TCF3: variants seen among roughly 807,000 people sequenced by gnomAD.
The protein encoded by TCF3 is transcription factor 3.
TCF3 carries 54 observed loss-of-function variants against 72.3 expected under a neutral mutation model. The ratio of observed to expected loss-of-function variants is 0.75; its 90% confidence interval spans 0.60 to 0.94. The LOEUF is 0.94. Ranked by LOEUF, TCF3 falls within the 40% of genes least tolerant of loss-of-function variation. The probability of loss-of-function intolerance (pLI) is 0.00; values close to 1 mark genes in which losing one functional copy is unlikely to be tolerated. For missense variants in TCF3, 1,078 were observed against 934.4 expected, an observed-to-expected ratio of 1.15 and a Z score of -2.00; for synonymous variants, 525 against 412.6, an observed-to-expected ratio of 1.27 and a Z score of -3.30.
At position 1,614,167 on chromosome 19, in the gene TCF3, CCTGT is replaced by C. The variant is rs771944314; in HGVS notation, c.1822+1114_1822+1117del. Among the ~76,000 whole-genome samples the C allele has an allele frequency of 5.9e-5, 9 of 152,234 alleles. No individual in the cohort carries two copies. The highest frequency in any genetic ancestry group is 9.6e-5 in the African/African-American group (4 of 41,462). ...GCCCAGTGCCCAGCATGCCTGGTGC[CCTGT>C]CTTAGTCTCTAGGGGGCTGCCTCAC... On this transcript the variant is annotated intron_variant, in intron 18 of 18. Coordinates refer to ENST00000262965, the MANE Select transcript of TCF3 (RefSeq NM_003200.5). The surrounding 1 kb of genome is among the most constrained non-coding windows in gnomAD (Gnocchi z 5.6).
At chr19:1,635,995 G>A (rs569132493) in intron 3 of TCF3, among the ~76,000 whole-genome samples, 50 of 152,250 alleles carry the variant, frequency 3.3e-4, no homozygotes, top group Middle Eastern at 3.4e-3. Flanking sequence ...AAATCGTGAA[G>A]GACCCCGATG....
At chr19:1,644,898 G>A (rs1456162811) in intron 3 of TCF3, among the ~76,000 whole-genome samples, 1 of 152,042 alleles carries the variant, frequency 6.6e-6, no homozygotes, top group East Asian at 1.9e-4. Context: ...CCTCCTCCAG[G>A]AAGCCCCCAG....
Position 1,619,398 on chromosome 19 carries a change from A to G in TCF3, c.1244T>C (p.Met415Thr), listed in dbSNP as rs2061904545. 3 of 1,593,166 alleles carry G rather than the reference A, an allele frequency of 1.9e-6. No individual in the cohort carries two copies. The highest frequency in any genetic ancestry group is 2.5e-6 in the Non-Finnish European group (3 of 1,177,084). The change falls in exon 15 of 19, where the codon ATG becomes ACG. Residue 415 changes from methionine to threonine, a missense_variant. Coordinates refer to ENST00000262965, the MANE Select transcript of TCF3 (RefSeq NM_003200.5). ...CCCGTGGCCAGGCAGCAGCGTGTGCATGTCGCCGGCTGTGCCCACGGCGTG... is the reference window on the plus strand; with the variant it reads ...CCCGTGGCCAGGCAGCAGCGTGTGCGTGTCGCCGGCTGTGCCCACGGCGTG... ...RSHAVGTAGD[M>T]HTLLPGHGAL...
At chr19:1,637,199 G>A (rs2064545856) in intron 3 of TCF3, among the ~76,000 whole-genome samples, 1 of 148,994 alleles carries the variant, frequency 6.7e-6, no homozygotes, top group African/African-American at 2.5e-5. Context: ...AACCAGGGGC[G>A]CCTCGCAACC....
chr19:1,622,956 C>T (rs942198145), intron 8 of TCF3, among the ~76,000 whole-genome samples: 13 of 152,070 alleles, frequency 8.5e-5, no homozygotes, highest in Admixed American at 2.0e-4. Flanking sequence ...TGTGCTGGAG[C>T]GGGAAGTATG....
Position 1,619,222 on chromosome 19 carries a change from G to T in TCF3, c.1339C>A (p.His447Asn). 1 of 1,596,230 alleles carries T rather than the reference G, an allele frequency of 6.3e-7. No individual in the cohort carries two copies. The change falls in exon 16 of 19, where the codon CAC becomes AAC. Residue 447 changes from histidine to asparagine, a missense_variant. His to Asn is a moderately conservative substitution (Grantham distance 68, BLOSUM62 1). Coordinates refer to ENST00000262965, the MANE Select transcript of TCF3 (RefSeq NM_003200.5). ...CTGCCTGCGAGGCCGTCCTCGGGGT[G>T]GCTGCCTCCAACCTGCAGGCGTGGG... ...GRHAGLVGGS[H>N]PEDGLAGSTS...
At chr19:1,633,778 A>C (rs1217469155) in intron 3 of TCF3, among the ~76,000 whole-genome samples, 1 of 152,170 alleles carries the variant, frequency 6.6e-6, no homozygotes, top group Non-Finnish European at 1.5e-5. Context: ...GGTCTGGGCC[A>C]TCTGCACCCC....
At chr19:1,640,646 G>A (rs1186933540) in intron 3 of TCF3, among the ~76,000 whole-genome samples, 3 of 151,580 alleles carry the variant, frequency 2.0e-5, no homozygotes, top group East Asian at 1.9e-4. Context: ...GTGAAACCCC[G>A]TCTCTACTAA....
intron 3 of TCF3, among the ~76,000 whole-genome samples, chr19:1,633,596 ATAT>A (rs2063997888): frequency 6.6e-6 from 1 of 152,212 alleles, no homozygotes; most frequent in Non-Finnish European, 1.5e-5. Context: ...ATAATTATGC[ATAT>A]TAATCTCCAA....
chr19:1,619,309 C>G lies in TCF3; in HGVS notation c.1326+7G>C. 6.4e-7 allele frequency: 1 copy of G among 1,569,518 alleles called. No individual in the cohort carries two copies. The highest frequency in any genetic ancestry group is 8.6e-7 in the Non-Finnish European group (1 of 1,163,710). On this transcript the variant is annotated splice_region_variant and intron_variant, in intron 15 of 18. Transcript: ENST00000262965. ...ACTGCCCAGCTCCACCCTCGCCCAG[C>G]GCTCACCAGGCCTGCGTGCCGCCCG...
Position 1,622,179 on chromosome 19 carries a change from G to C in TCF3, c.697C>G (p.Gln233Glu), listed in dbSNP as rs1049210855. 7.0e-6 allele frequency: 11 copies of C among 1,569,000 alleles called. No homozygotes were observed. Among genetic ancestry groups the C allele is most frequent in the Non-Finnish European group, 9.5e-6 (11 of 1,159,668 alleles). ...CCCAGCATGGGCCCGAAGCCCGCCTGGCCCGGGGGACTCCAGAGCTCGGCT... is the reference window on the plus strand; with the variant it reads ...CCCAGCATGGGCCCGAAGCCCGCCTCGCCCGGGGGACTCCAGAGCTCGGCT... ...PSAELWSPPG[Q>E]AGFGPMLGGG... Residue 233 changes from glutamine to glutamate, a missense_variant, in exon 10 of 19, where the codon CAG becomes GAG. Coordinates refer to ENST00000262965, the MANE Select transcript of TCF3 (RefSeq NM_003200.5).
chr19:1,630,044 C>G (rs1264816921), intron 5 of TCF3, among the ~76,000 whole-genome samples: 1 of 152,228 alleles, frequency 6.6e-6, no homozygotes, highest in East Asian at 1.9e-4. Flanking sequence ...CCCGCCTGCC[C>G]TCTCCAAGCT....
chr19:1,648,842 A>G (rs573243875), intron 2 of TCF3, among the ~76,000 whole-genome samples: 35 of 151,186 alleles, frequency 2.3e-4, no homozygotes, highest in African/African-American at 7.8e-4. Context: ...AGCAGAATTT[A>G]AGGACATCTG....
intron 3 of TCF3, among the ~76,000 whole-genome samples, chr19:1,634,696 G>A (rs1256394035): frequency 6.6e-6 from 1 of 152,222 alleles, no homozygotes; most frequent in East Asian, 1.9e-4. Flanking sequence ...GCAAATGGGA[G>A]AGGGAGGCTT....
chr19:1,636,313 C>T (rs1007653707), intron 3 of TCF3, among the ~76,000 whole-genome samples: 20 of 152,170 alleles, frequency 1.3e-4, no homozygotes, highest in Non-Finnish European at 2.8e-4. Flanking sequence ...GAGCCTGCCA[C>T]CACGCACAGC....
chr19:1,644,991 T>C (rs1364694659), intron 3 of TCF3, among the ~76,000 whole-genome samples: 2 of 152,002 alleles, frequency 1.3e-5, no homozygotes, highest in Admixed American at 6.5e-5. Flanking sequence ...AGGGTGGCGT[T>C]TGGGGATTTC....
chr19:1,619,119 G>C lies in TCF3; in HGVS notation c.1442C>G (p.Ser481Cys). ...CAAGCTCAAGGGCTTACCACTGTAG[G>C]AGTCGGGAGGCCGAGACAGGTCAGG... ...TLPDLSRPPD[S>C]YSGLGRAGAT... The change falls in exon 16 of 19, where the codon TCC becomes TGC. Residue 481 changes from serine to cysteine, a missense_variant. By Grantham distance (112) the Ser-to-Cys change is moderately radical. Coordinates refer to ENST00000262965, the MANE Select transcript of TCF3 (RefSeq NM_003200.5). The C allele has an allele frequency of 6.3e-7, 1 of 1,599,536 alleles. No individual in the cohort carries two copies. The highest frequency in any genetic ancestry group is 8.5e-7 in the Non-Finnish European group (1 of 1,179,702).
At chr19:1,639,751 GAAAAAAA>G (rs10674333) in intron 3 of TCF3, among the ~76,000 whole-genome samples, 127 of 54,194 alleles carry the variant, frequency 2.3e-3, no homozygotes, top group Non-Finnish European at 2.8e-3. Context: ...AGGAAATTAG[GAAAAAAA>G]AAAAAAAAAA....
At chr19:1,630,316 GT>G (rs1339364454) in intron 5 of TCF3, among the ~76,000 whole-genome samples, 2 of 152,190 alleles carry the variant, frequency 1.3e-5, no homozygotes, top group Non-Finnish European at 2.9e-5. Flanking sequence ...CCCGTGGCAC[GT>G]GGTGGGCCCT....
Sources: allele counts gnomAD v4.1 joint callset (sites outside exome capture counted in the v4.1 genomes callset), GRCh38; gene constraint gnomAD v4.1.1; non-coding constraint Gnocchi (gnomAD v3.1); transcripts MANE v1.5; gene names NCBI Gene and HGNC (gene_info 2026-07-23, HGNC 2026-07-21).